The following RELB variants were observed in gnomAD, a reference collection of about 807,000 sequenced individuals.
RELB encodes the protein RELB proto-oncogene, NF-kB subunit.
RELB carries 14 observed loss-of-function variants against 55.4 expected under a neutral mutation model. The ratio of observed to expected loss-of-function variants is 0.25; its 90% CI spans 0.17 to 0.40. The LOEUF (loss-of-function observed/expected upper bound fraction) is 0.40, where lower values mean the gene tolerates loss of function less well. Ranked by LOEUF, RELB falls within the 10% of genes least tolerant of loss-of-function variation. The probability of loss-of-function intolerance (pLI) is 1.00; values close to 1 mark genes in which losing one functional copy is unlikely to be tolerated. For synonymous variants in RELB, 409 were observed against 371.3 expected, an observed-to-expected ratio of 1.10 and a Z score of -1.17; for missense variants, 669 against 830.7, an observed-to-expected ratio of 0.81 and a Z score of 2.39.
intron 5 of RELB, among the ~76,000 whole-genome samples, chr19:45,024,168 T>G (rs1408612390): frequency 6.7e-6 from 1 of 149,118 alleles, no homozygotes; most frequent in Non-Finnish European, 1.5e-5. Flanking sequence ...TATTTATTTA[T>G]TTATTTATTT....
intron 7 of RELB, among the ~76,000 whole-genome samples, chr19:45,027,721 A>T (rs1971575274): frequency 6.6e-6 from 1 of 151,918 alleles, no homozygotes; most frequent in South Asian, 2.1e-4. Flanking sequence ...GGAGGCTGTT[A>T]AAAGAAGAGG....
intron 2 of RELB, among the ~76,000 whole-genome samples, chr19:45,006,456 G>A (rs1299736131): frequency 1.3e-5 from 2 of 151,782 alleles, no homozygotes; most frequent in East Asian, 2.0e-4. Flanking sequence ...CAGCCACCTC[G>A]GCCTCTCAAA....
At position 45,038,036 on chromosome 19, in the gene RELB, C is replaced by G. The variant is rs1024435027; in HGVS notation, c.*246C>G. The G allele has an allele frequency of 5.4e-5, 22 of 408,316 alleles. No homozygotes were observed. The Admixed American group carries it at 8.4e-4, about 16-fold the overall frequency. 25.3% of individuals were successfully genotyped at this position (408,316 alleles called of 1,614,324 possible). On this transcript the variant is annotated 3_prime_UTR_variant, in exon 12 of 12. Transcript: ENST00000221452. ...GTGCACTAGCTTGTTACAGCTGCCT[C>G]TGTCCCCACATGTGGGGGCACCTTC...
intron 4 of RELB, among the ~76,000 whole-genome samples, chr19:45,013,811 G>A (rs951240354): frequency 3.3e-5 from 5 of 151,858 alleles, no homozygotes; most frequent in Admixed American, 2.0e-4. Flanking sequence ...CGGCCTGAGC[G>A]ACAAGAGCAA....
chr19:45,018,559 G>A (rs1971447566), intron 4 of RELB, among the ~76,000 whole-genome samples: 3 of 151,356 alleles, frequency 2.0e-5, no homozygotes, highest in South Asian at 2.1e-4. Flanking sequence ...TCCAGCCTGG[G>A]CAACAGAGCA....
Position 45,032,598 on chromosome 19 carries a change from C to T in RELB, c.1056C>T (p.Asp352=), listed in dbSNP as rs202054363. Residue 352 remains aspartate (D), a synonymous_variant, in exon 9 of 12, where the codon GAC becomes GAT. Coordinates refer to ENST00000221452, the MANE Select transcript of RELB (RefSeq NM_006509.4). ...GTCGGGCTGACTTCTCCCAGGCCGA[C>T]GTGCACCGCCAGATTGCCATTGTGT... ...WEGRADFSQA[D]VHRQIAIVFK... 22 of 1,613,548 alleles carry T rather than the reference C, an allele frequency of 1.4e-5. No individual in the cohort carries two copies. In the South Asian group the frequency reaches 1.4e-4, roughly 10 times the overall value.
At chr19:45,010,555 T>A (rs564486855) in intron 3 of RELB, among the ~76,000 whole-genome samples, 1 of 151,990 alleles carries the variant, frequency 6.6e-6, no homozygotes, top group South Asian at 2.1e-4. Context: ...GAAGACACAT[T>A]AGGTTAGGCT....
At chr19:45,032,003 C>T (rs1460612922) in intron 8 of RELB, among the ~76,000 whole-genome samples, 5 of 151,358 alleles carry the variant, frequency 3.3e-5, no homozygotes, top group Non-Finnish European at 7.4e-5. Context: ...TTTGGGAGGC[C>T]AAGGCGGGCA....
At chr19:45,035,356 T>C (rs956395964) in intron 11 of RELB, among the ~76,000 whole-genome samples, 3 of 151,300 alleles carry the variant, frequency 2.0e-5, no homozygotes, top group Non-Finnish European at 4.4e-5. Context: ...CTGTTTCTAC[T>C]AAAAATACAA....
chr19:45,027,195 T>C (rs1971568555), intron 7 of RELB, among the ~76,000 whole-genome samples: 1 of 143,650 alleles, frequency 7.0e-6, no homozygotes, highest in Non-Finnish European at 1.5e-5. Context: ...ATCGCACCAC[T>C]GCACTCCAGC....
chr19:45,009,960 C>A, intron 3 of RELB, 138 bp downstream of exon 3: 1 of 886,478 alleles, frequency 1.1e-6, no homozygotes, highest in Non-Finnish European at 1.8e-6. Context: ...GGGATTTGAA[C>A]GAAGTCATGC....
At chr19:45,023,033 C>T (rs1009048316) in intron 5 of RELB, among the ~76,000 whole-genome samples, 3 of 152,144 alleles carry the variant, frequency 2.0e-5, no homozygotes, top group African/African-American at 7.2e-5. Flanking sequence ...AAAGGCAGCA[C>T]GCACTTCAGA....
At position 45,038,004 on chromosome 19, in the gene RELB, G is replaced by A. The variant is rs1971720675; in HGVS notation, c.*214G>A. 1.1e-5 allele frequency: 5 copies of A among 447,668 alleles called. No homozygotes were observed. In the East Asian group the frequency reaches 1.8e-4, roughly 16 times the overall value. 27.7% of individuals were successfully genotyped at this position (447,668 alleles called of 1,614,324 possible). A position where few individuals can be genotyped will look rare whatever the true frequency, so the allele number is the denominator to read the frequency against. The stretch of plus-strand genomic sequence containing the variant: ...TGAGTCCGGAGAGGAAAAGGGACAT[G>A]GCTCCCGTGCACTAGCTTGTTACAG... On this transcript the variant is annotated 3_prime_UTR_variant, in exon 12 of 12. Coordinates refer to ENST00000221452, the MANE Select transcript of RELB (RefSeq NM_006509.4).
Position 45,011,151 on chromosome 19 carries a change from C to T in RELB, c.164-785C>T, listed in dbSNP as rs1485014511. On this transcript the variant is annotated intron_variant, in intron 3 of 11. Coordinates refer to ENST00000221452, the MANE Select transcript of RELB (RefSeq NM_006509.4). The stretch of plus-strand genomic sequence containing the variant: ...ACAGGCGTGAGCCACCATGCCCAGC[C>T]TATTTATTTATTTATTATTATTATT... Among the ~76,000 whole-genome samples the T allele has an allele frequency of 3.3e-5, 5 of 150,958 alleles. No individual in the cohort carries two copies. In the South Asian group the frequency reaches 6.3e-4, roughly 19 times the overall value.
In RELB at chr19:45,037,676, G is replaced by A. The variant is rs765341414; in HGVS notation, c.1626G>A (p.Pro542=). The A allele has an allele frequency of 3.8e-6, 6 of 1,567,944 alleles. No homozygotes were observed. The highest frequency in any genetic ancestry group is 5.2e-6 in the Non-Finnish European group (6 of 1,161,068). ...TGACACTGGACTCGTACCAGGCCCCGGGCCCCGGGGATGGAGGCACCGCCA... is the reference window on the plus strand; with the variant it reads ...TGACACTGGACTCGTACCAGGCCCCAGGCCCCGGGGATGGAGGCACCGCCA... ...EPLTLDSYQA[P]GPGDGGTASL... The change falls in exon 12 of 12, where the codon CCG becomes CCA. Residue 542 remains proline (P), a synonymous_variant. Transcript: ENST00000221452.
At chr19:45,035,127 C>A (rs1460413498) in intron 11 of RELB, among the ~76,000 whole-genome samples, 1 of 152,030 alleles carries the variant, frequency 6.6e-6, no homozygotes, top group Non-Finnish European at 1.5e-5. Flanking sequence ...CAGGCATGAG[C>A]CACTGCATCC....
At position 45,003,915 on chromosome 19, in the gene RELB, G is replaced by GTTTTTTTT. The variant is rs1039624578; in HGVS notation, c.154+938_154+945dup. Among the ~76,000 whole-genome samples, 49 of 63,576 alleles carry GTTTTTTTT rather than the reference G, an allele frequency of 7.7e-4. 9 individuals are homozygous for GTTTTTTTT. Among genetic ancestry groups the GTTTTTTTT allele is most frequent in the Non-Finnish European group, 8.4e-4 (30 of 35,654 alleles). 41.7% of individuals were successfully genotyped at this position (63,576 alleles called of 152,430 possible). ...TGGGTTTTTTTTGTCTGTTTTTTGT[G>GTTTTTTTT]TTTTTTTTTTTTTTTTTTTTTTTTT... On this transcript the variant is annotated intron_variant, in intron 2 of 11. Transcript: ENST00000221452.
chr19:45,006,467 G>A (rs1971283532), intron 2 of RELB, among the ~76,000 whole-genome samples: 1 of 151,932 alleles, frequency 6.6e-6, no homozygotes, highest in African/African-American at 2.4e-5. Flanking sequence ...GCCTCTCAAA[G>A]TGCTGGGATT....
At chr19:45,007,000 T>A (rs1971290255) in intron 2 of RELB, among the ~76,000 whole-genome samples, 1 of 150,358 alleles carries the variant, frequency 6.7e-6, no homozygotes, top group Non-Finnish European at 1.5e-5. Context: ...GGCACCTGAC[T>A]TTGAGGGACT....
Sources: gnomAD v4.1 joint callset for allele counts (sites outside exome capture counted in the v4.1 genomes callset) on GRCh38, gnomAD v4.1.1 for gene constraint, MANE v1.5 for transcripts, NCBI Gene and HGNC (gene_info 2026-07-23, HGNC 2026-07-21) for gene names.